EHBP1: variants seen among roughly 807,000 people sequenced by gnomAD.
EHBP1 encodes the protein EH domain-binding protein 1.
In EHBP1, 55 loss-of-function variants were observed where a neutral mutation model predicts 144.0. The ratio of observed to expected loss-of-function variants is 0.38; its 90% CI spans 0.31 to 0.48. The LOEUF is 0.48. Ranked by LOEUF, EHBP1 falls within the 20% of genes least tolerant of loss-of-function variation. The pLI is 0.98. For synonymous variants in EHBP1, 469 were observed against 472.7 expected (o/e 0.99, Z 0.10); for missense variants, 1,200 against 1,364.2 (o/e 0.88, Z 1.90).
intron 1 of EHBP1, among the ~76,000 whole-genome samples, chr2:62,695,896 A>G (rs1056185620): frequency 4.6e-5 from 7 of 151,930 alleles, no homozygotes; most frequent in Non-Finnish European, 7.4e-5. Flanking sequence ...TATTTTTTGT[A>G]GAGACAGGGT....
chr2:62,932,436 T>C (rs1429909092), intron 10 of EHBP1, among the ~76,000 whole-genome samples: 2 of 152,110 alleles, frequency 1.3e-5, no homozygotes, highest in Non-Finnish European at 2.9e-5. Context: ...TGGATTAATC[T>C]TGAGGACATA....
chr2:62,695,338 A>G (rs1008753914), intron 1 of EHBP1, among the ~76,000 whole-genome samples: 1 of 152,176 alleles, frequency 6.6e-6, no homozygotes, highest in African/African-American at 2.4e-5. Flanking sequence ...TCTACTCCGG[A>G]TGACAGAGCG....
chr2:62,835,752 T>G (rs1203579791), intron 7 of EHBP1, among the ~76,000 whole-genome samples: 1 of 151,718 alleles, frequency 6.6e-6, no homozygotes, highest in Non-Finnish European at 1.5e-5. Flanking sequence ...GAAAATCGGG[T>G]CACTCACACC....
rs2061943637 is a variant in EHBP1, at chr2:63,046,024, G to A, written c.*524G>A. The A allele has an allele frequency of 1.9e-5, 3 of 153,854 alleles. No individual in the cohort carries two copies. The highest frequency in any genetic ancestry group is 6.5e-5 in the Admixed American group (1 of 15,472). The allele number at this position is 153,854 out of a possible 1,614,324, so 9.5% of individuals were successfully genotyped here. On this transcript the variant is annotated 3_prime_UTR_variant, in exon 23 of 23. Transcript: ENST00000431489. ...TCATATCCAATCTACTTATTAAACT[G>A]TGTTCTATTTACCAGTGGAGTTTTT...
At position 62,990,823 on chromosome 2, in the gene EHBP1, T is replaced by C; in HGVS notation, c.2716T>C (p.Ser906Pro). 1 of 1,613,604 alleles carries C rather than the reference T, an allele frequency of 6.2e-7. No individual in the cohort carries two copies. Among genetic ancestry groups the C allele is most frequent in the Non-Finnish European group, 8.5e-7 (1 of 1,179,712 alleles). ...TGCCCAGAAAGCTGTAACTGAGAGC[T>C]CAGAGCAGGACATGAAAGTAAGTCT... ...SAAQKAVTESSEQDMKSGTED... is the reference protein window; with the variant it reads ...SAAQKAVTESPEQDMKSGTED... Residue 906 changes from serine (S) to proline (P), a missense_variant, in exon 16 of 23, where the codon TCA becomes CCA. By Grantham distance (74) the Ser-to-Pro change is moderately conservative. Around this residue, in one of 6 missense-constraint regions of EHBP1, gnomAD observed 543 missense variants for 513.1 expected, o/e 1.06. Transcript: ENST00000431489.
At chr2:62,843,047 C>G (rs762765436) in intron 7 of EHBP1, among the ~76,000 whole-genome samples, 11 of 152,144 alleles carry the variant, frequency 7.2e-5, no homozygotes, top group African/African-American at 2.7e-4. Context: ...CAGTAATTTT[C>G]TTTTAGACAG....
Position 62,764,397 on chromosome 2 carries a change from T to C in EHBP1, c.258+36T>C. The C allele has an allele frequency of 1.4e-6, 2 of 1,448,968 alleles. 1 individual carries two copies. The highest frequency in any genetic ancestry group is 2.7e-5 in the South Asian group (2 of 72,890). The allele number at this position is 1,448,968 out of a possible 1,614,324, so 89.8% of individuals were successfully genotyped here. On this transcript the variant is annotated intron_variant, in intron 4 of 22. Coordinates refer to ENST00000431489, the MANE Select transcript of EHBP1 (RefSeq NM_001142616.3). ...TTTTTATAGGCTATAGAATTTATTA[T>C]ATAACCAGGGTACCAAATGACAGAA...
At chr2:62,880,594 A>T (rs1436122637) in intron 10 of EHBP1, among the ~76,000 whole-genome samples, 1 of 152,218 alleles carries the variant, frequency 6.6e-6, no homozygotes. Context: ...AGCAAAGAAC[A>T]TGAAAAGACA....
intron 10 of EHBP1, among the ~76,000 whole-genome samples, chr2:62,918,540 T>C (rs185771274): frequency 4.0e-4 from 61 of 152,344 alleles, no homozygotes; most frequent in African/African-American, 1.4e-3. Flanking sequence ...TCTAGTTTGC[T>C]GTGCCCTACA....
chr2:62,835,588 A>C (rs1349470404), intron 7 of EHBP1, among the ~76,000 whole-genome samples: 4 of 152,194 alleles, frequency 2.6e-5, no homozygotes, highest in Admixed American at 2.6e-4. Flanking sequence ...TACTGGGTGC[A>C]TCTCACTAGG....
At chr2:62,706,422 C>G (rs1486400373) in intron 1 of EHBP1, 2 of 152,308 alleles carry the variant, frequency 1.3e-5, no homozygotes, top group Admixed American at 6.5e-5. Flanking sequence ...CATTTCCTCC[C>G]TCCGACTGAA....
At chr2:62,733,265 T>C (rs2037789834) in intron 2 of EHBP1, among the ~76,000 whole-genome samples, 1 of 152,246 alleles carries the variant, frequency 6.6e-6, no homozygotes, top group Non-Finnish European at 1.5e-5. Flanking sequence ...GTTTACTGTT[T>C]ACCGCAGCTA....
intron 7 of EHBP1, among the ~76,000 whole-genome samples, chr2:62,839,987 A>G (rs1396716441): frequency 1.3e-5 from 2 of 152,188 alleles, no homozygotes; most frequent in Non-Finnish European, 2.9e-5. Context: ...GGAAAAAACT[A>G]CTTTAAAGTT....
chr2:63,033,477 A>G (rs141174815), intron 19 of EHBP1, among the ~76,000 whole-genome samples: 2 of 152,034 alleles, frequency 1.3e-5, no homozygotes, highest in East Asian at 3.9e-4. Flanking sequence ...ATATGTATTT[A>G]CTCTTTCCCA....
chr2:62,707,369 G>T, intron 2 of EHBP1, 74 bp downstream of exon 2: 1 of 1,109,044 alleles, frequency 9.0e-7, no homozygotes, highest in Non-Finnish European at 1.4e-6. Context: ...TGGGTCTTCT[G>T]ATAGTATATT....
chr2:63,036,950 T>C (rs1310470321), intron 19 of EHBP1, among the ~76,000 whole-genome samples: 3 of 151,878 alleles, frequency 2.0e-5, no homozygotes, highest in Non-Finnish European at 2.9e-5. Context: ...TTTTTTTTCA[T>C]AGATAGCTGT....
chr2:62,801,566 A>G (rs1394437825), intron 5 of EHBP1, among the ~76,000 whole-genome samples: 4 of 152,234 alleles, frequency 2.6e-5, no homozygotes, highest in African/African-American at 4.8e-5. Context: ...TCACTTATTT[A>G]TTGATACTCT....
At chr2:62,928,575 G>C (rs2153032914) in intron 10 of EHBP1, among the ~76,000 whole-genome samples, 1 of 151,898 alleles carries the variant, frequency 6.6e-6, no homozygotes, top group Non-Finnish European at 1.5e-5. Context: ...TATAGCTGAT[G>C]GGATCTTATT....
chr2:62,716,668 G>T (rs548261918), intron 2 of EHBP1, among the ~76,000 whole-genome samples: 10 of 152,178 alleles, frequency 6.6e-5, no homozygotes, highest in Non-Finnish European at 1.3e-4. Context: ...CATTGCCACG[G>T]AGTTGATGCA....
Sources: gnomAD v4.1 joint callset for allele counts (sites outside exome capture counted in the v4.1 genomes callset) on GRCh38, gnomAD v4.1.1 for gene constraint, gnomAD v4.1.1 regional missense constraint, MANE v1.5 for transcripts, NCBI Gene and HGNC (gene_info 2026-07-23, HGNC 2026-07-21) for gene names.